Variants in GNG2 observed in about 807,000 individuals in gnomAD.
GNG2 encodes the protein guanine nucleotide-binding protein G(I)/G(S)/G(O) subunit gamma-2.
GNG2 carries 5 observed loss-of-function variants against 5.5 expected under a neutral mutation model. The ratio of observed to expected loss-of-function variants is 0.91; its 90% CI spans 0.48 to 1.92. The LOEUF (loss-of-function observed/expected upper bound fraction) is 1.92, where lower values mean the gene tolerates loss of function less well. GNG2 is among the 30% of genes most tolerant of loss of function. The pLI is 0.01. For synonymous variants in GNG2, 28 were observed against 32.0 expected (o/e 0.88, Z 0.42); for missense variants, 55 against 88.4 (o/e 0.62, Z 1.52).
chr14:51,957,624 G>A (rs542742831), intron 3 of GNG2, among the ~76,000 whole-genome samples: 1 of 152,254 alleles, frequency 6.6e-6, no homozygotes, highest in East Asian at 1.9e-4. Flanking sequence ...TCAGAATCAG[G>A]AAATTAACAC....
intron 3 of GNG2, among the ~76,000 whole-genome samples, chr14:51,957,490 C>T (rs1263165399): frequency 2.0e-5 from 3 of 152,176 alleles, no homozygotes; most frequent in African/African-American, 7.2e-5. Flanking sequence ...GTGGTGCAAA[C>T]AATTTTGTTT....
At chr14:51,952,708 G>C (rs1351293534) in intron 3 of GNG2, among the ~76,000 whole-genome samples, 1 of 152,162 alleles carries the variant, frequency 6.6e-6, no homozygotes, top group African/African-American at 2.4e-5. Context: ...TAGAAATAGA[G>C]CTTTTCAGAA....
At chr14:51,965,583 C>A (rs1889847623) in intron 3 of GNG2, among the ~76,000 whole-genome samples, 1 of 152,094 alleles carries the variant, frequency 6.6e-6, no homozygotes, top group South Asian at 2.1e-4. Context: ...TGACGACCTC[C>A]CAGTGAAATA....
intron 2 of GNG2, among the ~76,000 whole-genome samples, chr14:51,942,322 C>G (rs1477775627): frequency 6.6e-6 from 1 of 151,960 alleles, no homozygotes; most frequent in Non-Finnish European, 1.5e-5. Flanking sequence ...TACTATGGGC[C>G]TTTGAGCAGC....
chr14:51,894,315 G>T (rs927894238), intron 2 of GNG2, among the ~76,000 whole-genome samples: 1 of 152,020 alleles, frequency 6.6e-6, no homozygotes, highest in African/African-American at 2.4e-5. Context: ...TGGTAAAATG[G>T]CTGGGTGTGT....
intron 3 of GNG2, among the ~76,000 whole-genome samples, chr14:51,961,443 G>A (rs541516415): frequency 1.3e-5 from 2 of 152,292 alleles, no homozygotes; most frequent in African/African-American, 4.8e-5. Flanking sequence ...ATATGTGTCA[G>A]GCACTGATTA....
At chr14:51,856,959 T>A (rs191273328), upstream of GNG2, among the ~76,000 whole-genome samples, 1 of 152,214 alleles carries the variant, frequency 6.6e-6, no homozygotes, top group East Asian at 1.9e-4. Flanking sequence ...CTTCTCATTT[T>A]TGAGACTTCC....
intron 2 of GNG2, among the ~76,000 whole-genome samples, chr14:51,927,019 C>T (rs1178565305): frequency 6.6e-6 from 1 of 152,212 alleles, no homozygotes; most frequent in Non-Finnish European, 1.5e-5. Flanking sequence ...TTATCCGAAG[C>T]TGATGTCATT....
At chr14:51,937,616 ATACATAATTTTT>A (rs1888086403) in intron 2 of GNG2, among the ~76,000 whole-genome samples, 2 of 84,356 alleles carry the variant, frequency 2.4e-5, no homozygotes, top group South Asian at 1.1e-3. Flanking sequence ...TACAAAAGAA[ATACATAATTTTT>A]TTTTTTTTTT....
chr14:51,902,122 G>T (rs1024585829), intron 2 of GNG2, among the ~76,000 whole-genome samples: 11 of 151,638 alleles, frequency 7.3e-5, no homozygotes, highest in East Asian at 1.9e-4. Flanking sequence ...AAATATTTTT[G>T]ATTTTATCAC....
chr14:51,907,911 T>G (rs1886032484), intron 2 of GNG2, among the ~76,000 whole-genome samples: 1 of 152,260 alleles, frequency 6.6e-6, no homozygotes, highest in Non-Finnish European at 1.5e-5. Flanking sequence ...AAAGTTAATA[T>G]GTGCAGGTTG....
intron 2 of GNG2, among the ~76,000 whole-genome samples, chr14:51,884,675 C>T (rs190888803): frequency 6.6e-6 from 1 of 152,292 alleles, no homozygotes; most frequent in East Asian, 1.9e-4. Flanking sequence ...TTTGATTCTG[C>T]CCCTTGGACA....
chr14:51,900,791 G>A (rs750324053), intron 2 of GNG2, among the ~76,000 whole-genome samples: 9 of 151,944 alleles, frequency 5.9e-5, no homozygotes, highest in East Asian at 5.8e-4. Context: ...TCTATTGGTC[G>A]TCTAATTGCC....
chr14:51,916,415 A>T (rs1351585307), intron 2 of GNG2: 1 of 449,540 alleles, frequency 2.2e-6, no homozygotes, highest in Admixed American at 2.4e-5. Flanking sequence ...TCCCACGAGG[A>T]CCTATTTTGT....
At chr14:51,831,986 A>G (rs958265366) in intron 2 of GNG2, among the ~76,000 whole-genome samples, 1 of 152,210 alleles carries the variant, frequency 6.6e-6, no homozygotes, top group Non-Finnish European at 1.5e-5. Flanking sequence ...TTAACTCATT[A>G]AAATGATGGG....
intron 2 of GNG2, among the ~76,000 whole-genome samples, chr14:51,832,542 T>C (rs1881227104): frequency 6.6e-6 from 1 of 152,204 alleles, no homozygotes; most frequent in Non-Finnish European, 1.5e-5. Flanking sequence ...CAAAATATCA[T>C]AGACTGGGTT....
At position 51,932,264 on chromosome 14, in the gene GNG2, A is replaced by G. The variant is rs528773539; in HGVS notation, c.-29-18386A>G. On this transcript the variant is annotated intron_variant, in intron 2 of 3. Transcript: ENST00000556766. ...TCTGTCTCAAAAAAAAAAAAAAAAA[A>G]AAAAAAAAGAAAAGAAAATATGGTA... is the stretch of plus-strand genomic sequence containing the variant. Among the ~76,000 whole-genome samples, 65 of 148,736 alleles carry G rather than the reference A, an allele frequency of 4.4e-4. 1 individual carries two copies. Among genetic ancestry groups the G allele is most frequent in the African/African-American group, 8.9e-4 (36 of 40,492 alleles).
At chr14:51,873,855 A>G (rs1471924685) in intron 1 of GNG2, 1 of 152,222 alleles carries the variant, frequency 6.6e-6, no homozygotes, top group Non-Finnish European at 1.5e-5. Flanking sequence ...AGTAAGCAAG[A>G]TATCTTTTCT....
intron 2 of GNG2, among the ~76,000 whole-genome samples, chr14:51,839,327 C>T (rs1368098978): frequency 1.3e-5 from 2 of 152,158 alleles, no homozygotes; most frequent in Non-Finnish European, 2.9e-5. Context: ...TCATAAGTAG[C>T]TAAGAGACAA....
Sources: allele counts gnomAD v4.1 joint callset (sites outside exome capture counted in the v4.1 genomes callset), GRCh38; gene constraint gnomAD v4.1.1; transcripts MANE v1.5; gene names NCBI Gene and HGNC (gene_info 2026-07-23, HGNC 2026-07-21).